Variants in XIRP2 observed in about 807,000 individuals in gnomAD.
XIRP2 encodes the protein xin actin-binding repeat-containing protein 2.
A neutral mutation model predicts 277.0 loss-of-function variants in XIRP2; 236 were observed. That is an observed-to-expected ratio of 0.85 (90% CI 0.77 to 0.95). XIRP2 has a LOEUF of 0.95. Ranked by LOEUF, XIRP2 falls within the 40% of genes least tolerant of loss-of-function variation. The pLI is 0.00. For synonymous variants in XIRP2, 1,490 were observed against 1,416.5 expected (o/e 1.05, Z -1.17); for missense variants, 4,640 against 4,157.5 (o/e 1.12, Z -3.19).
rs753620192 is a variant in XIRP2, at chr2:167,240,742, A to G, written c.1042+6A>G. On this transcript the variant is annotated splice_donor_region_variant and intron_variant, in intron 7 of 10. Coordinates refer to ENST00000409195, the MANE Select transcript of XIRP2 (RefSeq NM_152381.6). ...TCAATATGTTCAAGAAACTGGTAAGAGTCTGGTATTATTGGTTCCAATACT... is the reference window on the plus strand; with the variant it reads ...TCAATATGTTCAAGAAACTGGTAAGGGTCTGGTATTATTGGTTCCAATACT... 1 of 1,612,400 alleles carries G rather than the reference A, an allele frequency of 6.2e-7. No homozygotes were observed. The highest frequency in any genetic ancestry group is 1.3e-5 in the African/African-American group (1 of 75,008).
chr2:167,054,161 AT>A (rs915994974), intron 2 of XIRP2, among the ~76,000 whole-genome samples: 2 of 152,144 alleles, frequency 1.3e-5, no homozygotes, highest in Non-Finnish European at 2.9e-5. Flanking sequence ...GCACAAGCAT[AT>A]TTTTTAATCA....
At chr2:167,172,388 A>T (rs1191021222) in intron 3 of XIRP2, among the ~76,000 whole-genome samples, 1 of 152,202 alleles carries the variant, frequency 6.6e-6, no homozygotes, top group Non-Finnish European at 1.5e-5. Context: ...ATTGTCATTG[A>T]TAACCTCTTA....
chr2:167,188,962 T>G (rs950991496), intron 3 of XIRP2, among the ~76,000 whole-genome samples: 4 of 152,242 alleles, frequency 2.6e-5, no homozygotes, highest in African/African-American at 9.6e-5. Context: ...GCATCATTTC[T>G]TCTGTGATTA....
chr2:167,153,602 C>G (rs1484089686), intron 3 of XIRP2, among the ~76,000 whole-genome samples: 2 of 151,712 alleles, frequency 1.3e-5, no homozygotes, highest in Non-Finnish European at 2.9e-5. Flanking sequence ...TGTTCCCCTT[C>G]CTGTGTCCAT....
chr2:167,084,180 C>A (rs966614307), intron 2 of XIRP2, among the ~76,000 whole-genome samples: 42 of 152,168 alleles, frequency 2.8e-4, no homozygotes, highest in Non-Finnish European at 4.1e-4. Flanking sequence ...AAGGCCTTTT[C>A]TGCATCTATT....
At chr2:167,032,067 C>T (rs1402387208) in intron 2 of XIRP2, among the ~76,000 whole-genome samples, 1 of 152,136 alleles carries the variant, frequency 6.6e-6, no homozygotes, top group East Asian at 1.9e-4. Context: ...TACAAATCTA[C>T]AGTAACCAAA....
chr2:167,050,723 G>A (rs1463014079), intron 2 of XIRP2, among the ~76,000 whole-genome samples: 1 of 151,876 alleles, frequency 6.6e-6, no homozygotes, highest in Non-Finnish European at 1.5e-5. Context: ...GGGATAAGCA[G>A]AGGAGGAAAC....
At chr2:167,137,542 A>T (rs193246247) in intron 3 of XIRP2, among the ~76,000 whole-genome samples, 9 of 152,118 alleles carry the variant, frequency 5.9e-5, no homozygotes, top group Admixed American at 5.9e-4. Flanking sequence ...GAGATAATTA[A>T]CTCCACTCAT....
rs551637425 is a variant in XIRP2 at position 167,081,324 on chromosome 2, C to T, written c.409-54585C>T. Among the ~76,000 whole-genome samples the T allele has an allele frequency of 2.4e-4, 37 of 152,156 alleles. No individual in the cohort carries two copies. In the South Asian group the frequency reaches 7.2e-3, roughly 30 times the overall value. ...TCTGCAAAAAATAAAAATTAAAAAA[C>T]TTAGTTGGGCCTGTAGTCTGAGTTA... On this transcript the variant is annotated intron_variant, in intron 2 of 10. Transcript: ENST00000409195.
intron 3 of XIRP2, among the ~76,000 whole-genome samples, chr2:167,157,311 A>G (rs1006100900): frequency 2.0e-5 from 3 of 152,126 alleles, no homozygotes; most frequent in African/African-American, 7.2e-5. Flanking sequence ...TTACTAATCA[A>G]TCTATTTATT....
At chr2:166,898,348 T>C (rs1684296620) in intron 1 of XIRP2, among the ~76,000 whole-genome samples, 1 of 152,174 alleles carries the variant, frequency 6.6e-6, no homozygotes, top group Admixed American at 6.6e-5. Flanking sequence ...TTCATAATAG[T>C]GGATCTTGCA....
At chr2:167,179,024 G>C (rs183099583) in intron 3 of XIRP2, among the ~76,000 whole-genome samples, 142 of 151,910 alleles carry the variant, frequency 9.3e-4, no homozygotes, top group African/African-American at 3.1e-3. Context: ...AAATGACACA[G>C]GATATATTTT....
At chr2:167,136,767 T>A (rs1691565486) in intron 3 of XIRP2, among the ~76,000 whole-genome samples, 1 of 152,224 alleles carries the variant, frequency 6.6e-6, no homozygotes, top group South Asian at 2.1e-4. Flanking sequence ...ATTGTAGTAT[T>A]TGTGGTGTTT....
intron 2 of XIRP2, among the ~76,000 whole-genome samples, chr2:166,976,198 A>G (rs957982593): frequency 6.6e-6 from 1 of 152,096 alleles, no homozygotes; most frequent in Non-Finnish European, 1.5e-5. Flanking sequence ...ACATAAGCCA[A>G]ATCAATATCC....
rs373164678 is a variant in XIRP2, at chr2:167,245,925, A to G, written c.4533A>G (p.Lys1511=). ...TGGAAGCACATAAAGGTATCACAAA[A>G]ATGACCAAGGAAGAAATCCCTCCTT... ...SIMEAHKGIT[K]MTKEEIPPSD... The change falls in exon 9 of 11, where the codon AAA becomes AAG. Residue 1511 remains lysine (K), a synonymous_variant. Coordinates refer to ENST00000409195, the MANE Select transcript of XIRP2 (RefSeq NM_152381.6). 1 of 1,613,650 alleles carries G rather than the reference A, an allele frequency of 6.2e-7. No individual in the cohort carries two copies. Among genetic ancestry groups the G allele is most frequent in the African/African-American group, 1.3e-5 (1 of 74,894 alleles).
chr2:167,073,063 A>T (rs186763456), intron 2 of XIRP2, among the ~76,000 whole-genome samples: 298 of 152,296 alleles, frequency 2.0e-3, no homozygotes, highest in Non-Finnish European at 3.7e-3. Context: ...TAATTATTAA[A>T]TATTCATTGA....
intron 3 of XIRP2, among the ~76,000 whole-genome samples, chr2:167,182,013 A>G (rs1222596846): frequency 2.0e-5 from 3 of 152,156 alleles, no homozygotes; most frequent in African/African-American, 7.2e-5. Context: ...TCTACTTAAC[A>G]CTATGAGATA....
chr2:167,023,886 G>A (rs1660985941), intron 2 of XIRP2, among the ~76,000 whole-genome samples: 1 of 152,176 alleles, frequency 6.6e-6, no homozygotes, highest in South Asian at 2.1e-4. Flanking sequence ...AAGTCAGGTA[G>A]CGTGATGCCT....
intron 2 of XIRP2, among the ~76,000 whole-genome samples, chr2:167,006,309 CCCACAG>C (rs1431412250): frequency 6.6e-6 from 1 of 151,542 alleles, no homozygotes; most frequent in Non-Finnish European, 1.5e-5. Flanking sequence ...GGCAAAGGAG[CCCACAG>C]TTCAATGGTG....
Sources: gnomAD v4.1 joint callset for allele counts (sites outside exome capture counted in the v4.1 genomes callset) on GRCh38, gnomAD v4.1.1 for gene constraint, MANE v1.5 for transcripts, NCBI Gene and HGNC (gene_info 2026-07-23, HGNC 2026-07-21) for gene names.